Variants in DCP1A observed in about 807,000 individuals in gnomAD.
The protein encoded by DCP1A is decapping mRNA 1A, also known as mRNA-decapping enzyme 1A.
A neutral mutation model predicts 58.0 loss-of-function variants in DCP1A; 20 were observed. That is an observed-to-expected ratio of 0.34 (90% CI 0.24 to 0.50). The LOEUF is 0.50. Ranked by LOEUF, DCP1A falls within the 20% of genes least tolerant of loss-of-function variation. The probability of loss-of-function intolerance (pLI) is 0.98; values close to 1 mark genes in which losing one functional copy is unlikely to be tolerated. For missense variants in DCP1A, 613 were observed against 712.2 expected (o/e 0.86, Z 1.59); for synonymous variants, 285 against 275.1 (o/e 1.04, Z -0.36).
intron 6 of DCP1A, 107 bp from the exon 7 acceptor site, chr3:53,292,934 G>T: frequency 8.7e-7 from 1 of 1,148,286 alleles, no homozygotes; most frequent in Non-Finnish European, 1.2e-6. Flanking sequence ...GATGGATGGA[G>T]TATCAAAATA....
chr3:53,328,974 C>G (rs542624066), intron 3 of DCP1A: 1 of 166,030 alleles, frequency 6.0e-6, no homozygotes, highest in South Asian at 2.0e-4. Flanking sequence ...TGCCTTTCTT[C>G]AGGCTAAGAA....
At chr3:53,296,690 C>T (rs983237288) in intron 6 of DCP1A, among the ~76,000 whole-genome samples, 1 of 152,146 alleles carries the variant, frequency 6.6e-6, no homozygotes, top group Non-Finnish European at 1.5e-5. Flanking sequence ...ATCCGTGTTC[C>T]AACATGTATC....
chr3:53,305,806 T>C (rs1707453100), intron 5 of DCP1A, among the ~76,000 whole-genome samples: 1 of 152,224 alleles, frequency 6.6e-6, no homozygotes, highest in African/African-American at 2.4e-5. Context: ...TTAGGTTTTT[T>C]TTGTCGCATA....
chr3:53,298,737 A>G (rs1193570997), intron 6 of DCP1A, among the ~76,000 whole-genome samples: 1 of 152,238 alleles, frequency 6.6e-6, no homozygotes, highest in Admixed American at 6.5e-5. Context: ...TAAGGTTTGA[A>G]TAACTGAGGT....
intron 6 of DCP1A, among the ~76,000 whole-genome samples, chr3:53,303,037 C>T (rs954834906): frequency 6.6e-6 from 1 of 152,124 alleles, no homozygotes; most frequent in Non-Finnish European, 1.5e-5. Flanking sequence ...CAATCTCAAA[C>T]CTCCTGAGCT....
chr3:53,316,045 C>T (rs148770687), intron 4 of DCP1A, among the ~76,000 whole-genome samples: 13 of 152,166 alleles, frequency 8.5e-5, no homozygotes, highest in East Asian at 1.9e-4. Flanking sequence ...TGAGCCACCG[C>T]GCCCAGCCTG....
At chr3:53,325,170 T>G (rs1471558981) in intron 3 of DCP1A, among the ~76,000 whole-genome samples, 1 of 152,218 alleles carries the variant, frequency 6.6e-6, no homozygotes, top group African/African-American at 2.4e-5. Flanking sequence ...AATATTTCAC[T>G]GTTTCTCATC....
At chr3:53,343,144 A>C (rs1184708101) in intron 2 of DCP1A, among the ~76,000 whole-genome samples, 2 of 152,196 alleles carry the variant, frequency 1.3e-5, no homozygotes, top group Non-Finnish European at 2.9e-5. Context: ...TTAACAGAAC[A>C]CTATTCTATA....
chr3:53,318,364 T>C (rs1014224495), intron 4 of DCP1A, among the ~76,000 whole-genome samples: 10 of 151,954 alleles, frequency 6.6e-5, no homozygotes, highest in Admixed American at 5.2e-4. Flanking sequence ...TGTTAAAAAA[T>C]TTAAGATTAT....
At position 53,297,613 on chromosome 3, in the gene DCP1A, G is replaced by A. The variant is rs182815158; in HGVS notation, c.625-4786C>T. On this transcript the variant is annotated intron_variant, in intron 6 of 9. Transcript: ENST00000610213. ...TGACCTCAGGTGATCTGTCTGCCTC[G>A]GCTCCCAAAGTGCTGGGATTACAGC... Among the ~76,000 whole-genome samples the A allele has an allele frequency of 3.9e-5, 6 of 152,044 alleles. No homozygotes were observed. The East Asian group carries it at 9.7e-4, about 25-fold the overall frequency.
chr3:53,291,693 C>T (rs1009346659), intron 7 of DCP1A, among the ~76,000 whole-genome samples: 3 of 152,066 alleles, frequency 2.0e-5, no homozygotes, highest in Non-Finnish European at 4.4e-5. Context: ...CTCATACCTT[C>T]GAGTCTAGGA....
chr3:53,343,471 C>T (rs782739383), intron 2 of DCP1A, among the ~76,000 whole-genome samples: 23 of 152,128 alleles, frequency 1.5e-4, no homozygotes, highest in Non-Finnish European at 2.9e-4. Context: ...ACAATCAGTG[C>T]CTCTGTATGA....
intron 6 of DCP1A, among the ~76,000 whole-genome samples, chr3:53,297,695 C>A (rs1707175945): frequency 6.6e-6 from 1 of 152,152 alleles, no homozygotes; most frequent in Non-Finnish European, 1.5e-5. Context: ...CAGCTCATAA[C>A]CACCCCATTC....
At chr3:53,313,014 A>C (rs1425136838) in intron 4 of DCP1A, among the ~76,000 whole-genome samples, 1 of 152,158 alleles carries the variant, frequency 6.6e-6, no homozygotes, top group Non-Finnish European at 1.5e-5. Context: ...ACTAATTGCT[A>C]AAGTAAATAT....
Position 53,286,689 on chromosome 3 carries a change from T to A in DCP1A, c.*891A>T, listed in dbSNP as rs1553685139. On this transcript the variant is annotated 3_prime_UTR_variant, in exon 10 of 10. Coordinates refer to ENST00000610213, the MANE Select transcript of DCP1A (RefSeq NM_018403.7). ...CTCAAGGAAAGGAACCAGAATGGCT[T>A]TGTCAGATTGGTCCACTGGTCCTTT... 6.6e-6 allele frequency: 1 copy of A among 152,244 alleles called. No homozygotes were observed. The highest frequency in any genetic ancestry group is 1.5e-5 in the Non-Finnish European group (1 of 68,050). 9.4% of individuals were successfully genotyped at this position (152,244 alleles called of 1,614,324 possible).
At chr3:53,300,905 C>G (rs1490697112) in intron 6 of DCP1A, among the ~76,000 whole-genome samples, 1 of 152,148 alleles carries the variant, frequency 6.6e-6, no homozygotes, top group African/African-American at 2.4e-5. Flanking sequence ...GCCTCCACTT[C>G]CCAAAGTCCC....
chr3:53,344,468 G>A (rs1559710417), intron 2 of DCP1A, among the ~76,000 whole-genome samples: 1 of 152,120 alleles, frequency 6.6e-6, no homozygotes, highest in East Asian at 1.9e-4. Context: ...CTGTGGGTTG[G>A]GAAAGAGGAC....
At chr3:53,299,655 G>A (rs1707249173) in intron 6 of DCP1A, among the ~76,000 whole-genome samples, 1 of 152,188 alleles carries the variant, frequency 6.6e-6, no homozygotes, top group Non-Finnish European at 1.5e-5. Flanking sequence ...GTTTAAACAA[G>A]TGAATTATGC....
intron 6 of DCP1A, 101 bp from the exon 7 acceptor site, chr3:53,292,928 G>C: frequency 8.4e-7 from 1 of 1,193,788 alleles, no homozygotes; most frequent in Non-Finnish European, 1.2e-6. Flanking sequence ...ATCAAGGATG[G>C]ATGGAGTATC....
Sources: gnomAD v4.1 joint callset for allele counts (sites outside exome capture counted in the v4.1 genomes callset) on GRCh38, gnomAD v4.1.1 for gene constraint, MANE v1.5 for transcripts, NCBI Gene and HGNC (gene_info 2026-07-23, HGNC 2026-07-21) for gene names.